PXT1: variants seen among roughly 807,000 people sequenced by gnomAD.
The protein encoded by PXT1 is peroxisomal testis enriched protein 1.
A neutral mutation model predicts 11.0 loss-of-function variants in PXT1; 11 were observed. The observed-to-expected ratio is 1.00, with a 90% CI of 0.63 to 1.66. The LOEUF (loss-of-function observed/expected upper bound fraction) is 1.66, where lower values mean the gene tolerates loss of function less well. PXT1 is among the 40% of genes most tolerant of loss of function. The pLI, the probability that PXT1 is intolerant of heterozygous loss-of-function variation, is 0.00. For missense variants in PXT1, 141 were observed against 155.5 expected (o/e 0.91, Z 0.49); for synonymous variants, 43 against 51.4 (o/e 0.84, Z 0.70).
At chr6:36,396,550 G>T (rs1005113018) in intron 4 of PXT1, among the ~76,000 whole-genome samples, 1 of 152,208 alleles carries the variant, frequency 6.6e-6, no homozygotes, top group Admixed American at 6.5e-5. Context: ...TGGGTGGAAG[G>T]GGGTGGGTCC....
intron 3 of PXT1, among the ~76,000 whole-genome samples, chr6:36,415,447 A>T (rs529521044): frequency 4.9e-4 from 75 of 152,272 alleles, no homozygotes; most frequent in Non-Finnish European, 2.8e-4. Context: ...CTGTCTCAAA[A>T]AATTAATTAA....
In PXT1 at chr6:36,413,763, G is replaced by A. The variant is rs117756307; in HGVS notation, c.169+12151C>T. On this transcript the variant is annotated intron_variant, in intron 3 of 4. Coordinates refer to ENST00000454782, the MANE Select transcript of PXT1 (RefSeq NM_152990.4). ...TGTAATCCCAACACTTTGGGAGGCT[G>A]ATATGAGTGGACTGCTTGAGCCCAG... Among the ~76,000 whole-genome samples the A allele has an allele frequency of 6.6e-4, 100 of 152,310 alleles. 1 individual carries two copies. In the East Asian group the frequency reaches 0.019, roughly 28 times the overall value.
rs746599297 is a variant in PXT1 at position 36,391,809 on chromosome 6, C to T, written c.366G>A (p.Gln122=). 5 of 1,613,836 alleles carry T rather than the reference C, an allele frequency of 3.1e-6. No homozygotes were observed. In the South Asian group the frequency reaches 5.5e-5, roughly 18 times the overall value. The change falls in exon 5 of 5, where the codon CAG becomes CAA. Residue 122 remains glutamine, a synonymous_variant. Coordinates refer to ENST00000454782, the MANE Select transcript of PXT1 (RefSeq NM_152990.4). Reference sequence around the variant, plus strand: ...TGTTCCAGAAAAAATGCAGCAACACCTGAACTCTTCTAAAGAAAAAGAAGA... The same window carrying T: ...TGTTCCAGAAAAAATGCAGCAACACTTGAACTCTTCTAAAGAAAAAGAAGA... The part of the protein sequence containing the change: ...HFVFFFFRRV[Q]VLLHFFWNNH...
rs540707873 is a variant in PXT1, at chr6:36,426,173, C to A, written c.-9-82G>T. ...TTTTAGATAAATATTAATGTTTTAA[C>A]AATATCAGCAGCATTTATTCCACAT... On this transcript the variant is annotated intron_variant, in intron 2 of 4. Transcript: ENST00000454782. 1.8e-5 allele frequency: 15 copies of A among 856,624 alleles called. No individual in the cohort carries two copies. In the African/African-American group the frequency reaches 2.4e-4, roughly 14 times the overall value. The allele number at this position is 856,624 out of a possible 1,614,324, so 53.1% of individuals were successfully genotyped here. A position where few individuals can be genotyped will look rare whatever the true frequency, so the allele number is the denominator to read the frequency against.
chr6:36,410,995 T>C (rs1431699895), intron 3 of PXT1, among the ~76,000 whole-genome samples: 1 of 152,226 alleles, frequency 6.6e-6, no homozygotes, highest in African/African-American at 2.4e-5. Context: ...ATGGCAATAG[T>C]AATGTATTAT....
intron 3 of PXT1, among the ~76,000 whole-genome samples, chr6:36,410,449 A>T (rs1335695895): frequency 6.6e-5 from 10 of 151,472 alleles, no homozygotes; most frequent in Non-Finnish European, 1.3e-4. Context: ...AAAAAAAAAA[A>T]GAAATGAAGG....
chr6:36,427,539 T>A (rs1464192484), intron 2 of PXT1, among the ~76,000 whole-genome samples: 2 of 152,128 alleles, frequency 1.3e-5, no homozygotes, highest in African/African-American at 4.8e-5. Flanking sequence ...CATATATGAT[T>A]TTAAGTTTTC....
At chr6:36,423,658 C>T (rs1002649764) in intron 3 of PXT1, among the ~76,000 whole-genome samples, 4 of 152,188 alleles carry the variant, frequency 2.6e-5, no homozygotes, top group African/African-American at 7.2e-5. Flanking sequence ...CTCACACCGC[C>T]CCCTCATTCC....
At position 36,391,892 on chromosome 6, in the gene PXT1, G is replaced by T; in HGVS notation, c.301-18C>A. Reference sequence around the variant, plus strand: ...TGAAGATCCTATTTGAAAAAAGGGAGACACAGAGAAAGGTTTTTTTTTTTT... The same window carrying T: ...TGAAGATCCTATTTGAAAAAAGGGATACACAGAGAAAGGTTTTTTTTTTTT... On this transcript the variant is annotated intron_variant, in intron 4 of 4. Transcript: ENST00000454782. 2.7e-6 allele frequency: 4 copies of T among 1,455,470 alleles called. No individual in the cohort carries two copies. The highest frequency in any genetic ancestry group is 3.7e-6 in the Non-Finnish European group (4 of 1,071,824). 90.2% of individuals were successfully genotyped at this position (1,455,470 alleles called of 1,614,324 possible). A position where few individuals can be genotyped will look rare whatever the true frequency, so the allele number is the denominator to read the frequency against.
intron 2 of PXT1, among the ~76,000 whole-genome samples, chr6:36,426,961 A>G (rs1774617061): frequency 6.6e-6 from 1 of 151,570 alleles, no homozygotes; most frequent in Non-Finnish European, 1.5e-5. Context: ...TTCCCCTCCA[A>G]TATTGTAGAA....
chr6:36,397,676 C>A (rs933477208), intron 4 of PXT1, among the ~76,000 whole-genome samples: 2 of 152,022 alleles, frequency 1.3e-5, no homozygotes, highest in African/African-American at 2.4e-5. Flanking sequence ...AGTACACTAT[C>A]AATAAAGTAA....
At chr6:36,423,473 C>T (rs1222494704) in intron 3 of PXT1, among the ~76,000 whole-genome samples, 21 of 152,220 alleles carry the variant, frequency 1.4e-4, no homozygotes, top group African/African-American at 4.3e-4. Flanking sequence ...CAATGGGGAG[C>T]GCACATGGCG....
intron 2 of PXT1, among the ~76,000 whole-genome samples, chr6:36,438,083 G>A (rs1389902450): frequency 1.3e-5 from 2 of 152,074 alleles, no homozygotes; most frequent in Non-Finnish European, 2.9e-5. Flanking sequence ...GCCTCCCAAA[G>A]TGCTGGGATT....
rs146278596 is a variant in PXT1 at position 36,410,144 on chromosome 6, G to GGAGAGAGA, written c.170-9568_170-9561dup. On this transcript the variant is annotated intron_variant, in intron 3 of 4. Coordinates refer to ENST00000454782, the MANE Select transcript of PXT1 (RefSeq NM_152990.4). Reference sequence around the variant, plus strand: ...TCGAGACCAGGAAGGAAGGAAGGAAGGAGAGAGAGAGAGAGAGAGAGAAAG... The same window carrying GGAGAGAGA: ...TCGAGACCAGGAAGGAAGGAAGGAAGGAGAGAGAGAGAGAGAGAGAGAGAGAGAGAAAG... 6.2e-3 allele frequency among the ~76,000 whole-genome samples: 874 copies of GGAGAGAGA among 140,522 alleles called. 5 individuals carry two copies. The highest frequency in any genetic ancestry group is 9.1e-3 in the Non-Finnish European group (594 of 65,164). The allele number at this position is 140,522 out of a possible 152,430, so 92.2% of individuals were successfully genotyped here. A position where few individuals can be genotyped will look rare whatever the true frequency, so the allele number is the denominator to read the frequency against.
intron 3 of PXT1, among the ~76,000 whole-genome samples, chr6:36,417,337 A>G (rs957953352): frequency 6.6e-6 from 1 of 151,958 alleles, no homozygotes; most frequent in Non-Finnish European, 1.5e-5. Flanking sequence ...ACAAAGCAAG[A>G]CTCCGTCTCA....
At chr6:36,415,085 G>A (rs544687159) in intron 3 of PXT1, among the ~76,000 whole-genome samples, 1 of 152,058 alleles carries the variant, frequency 6.6e-6, no homozygotes, top group Non-Finnish European at 1.5e-5. Flanking sequence ...CTTAAATTTA[G>A]CAGGCCTACA....
chr6:36,409,464 C>T, intron 3 of PXT1, among the ~76,000 whole-genome samples: 1 of 152,122 alleles, frequency 6.6e-6, no homozygotes, highest in South Asian at 2.1e-4. Flanking sequence ...TGATGGGGAT[C>T]AACTGCACCA....
intron 4 of PXT1, among the ~76,000 whole-genome samples, chr6:36,399,625 G>A (rs1774188108): frequency 2.0e-5 from 3 of 152,150 alleles, no homozygotes; most frequent in African/African-American, 7.2e-5. Context: ...CACCAAGAAA[G>A]CTTCACAGGA....
intron 4 of PXT1, among the ~76,000 whole-genome samples, chr6:36,394,925 C>T (rs796683209): frequency 5.3e-5 from 8 of 152,028 alleles, no homozygotes; most frequent in African/African-American, 1.9e-4. Flanking sequence ...CTTCAGCCTC[C>T]CAAGTAGCTG....
Sources: gnomAD v4.1 joint callset for allele counts (sites outside exome capture counted in the v4.1 genomes callset) on GRCh38, gnomAD v4.1.1 for gene constraint, MANE v1.5 for transcripts, NCBI Gene and HGNC (gene_info 2026-07-23, HGNC 2026-07-21) for gene names.